The following MAP2 variants were observed in gnomAD, a reference collection of about 807,000 sequenced individuals.
The protein encoded by MAP2 is microtubule associated protein 2.
Under a neutral mutation model 137.6 loss-of-function variants are expected in MAP2, and 14 were observed. That is an observed-to-expected ratio of 0.10 (90% CI 0.07 to 0.16). The LOEUF is 0.16. Ranked by LOEUF, MAP2 falls within the 10% of genes least tolerant of loss-of-function variation. MAP2 has a pLI of 1.00. For synonymous variants in MAP2, 786 were observed against 782.3 expected, an observed-to-expected ratio of 1.00 and a Z score of -0.08; for missense variants, 2,088 against 2,191.5, an observed-to-expected ratio of 0.95 and a Z score of 0.94.
chr2:209,663,416 G>C (rs984878018), intron 5 of MAP2, among the ~76,000 whole-genome samples: 1 of 152,080 alleles, frequency 6.6e-6, no homozygotes. Flanking sequence ...TGTGTAGCTC[G>C]TCTCACTGAA....
At chr2:209,432,698 G>A (rs1009490723) in intron 1 of MAP2, among the ~76,000 whole-genome samples, 11 of 152,092 alleles carry the variant, frequency 7.2e-5, no homozygotes, top group African/African-American at 2.7e-4. Context: ...TTTTATCACT[G>A]AGTAGATTGT....
At chr2:209,434,088 G>GAT (rs1695059738) in intron 1 of MAP2, among the ~76,000 whole-genome samples, 1 of 152,014 alleles carries the variant, frequency 6.6e-6, no homozygotes, top group Admixed American at 6.6e-5. Flanking sequence ...CCAGTTTCAT[G>GAT]ATAATCTTGA....
chr2:209,514,370 T>C (rs1206630839), intron 2 of MAP2, among the ~76,000 whole-genome samples: 1 of 152,072 alleles, frequency 6.6e-6, no homozygotes, highest in Non-Finnish European at 1.5e-5. Context: ...AAGAATGCTC[T>C]AGCTCATTCT....
At chr2:209,673,510 A>G (rs779338961) in intron 5 of MAP2, among the ~76,000 whole-genome samples, 1 of 151,878 alleles carries the variant, frequency 6.6e-6, no homozygotes, top group Admixed American at 6.6e-5. Context: ...ATAGAAAAAC[A>G]TATTGTATAC....
rs989882704 is a variant in MAP2, at chr2:209,701,532, G to A, written c.4584+1194G>A. Among the ~76,000 whole-genome samples the A allele has an allele frequency of 3.3e-5, 5 of 152,014 alleles. No individual in the cohort carries two copies. In the East Asian group the frequency reaches 9.7e-4, roughly 29 times the overall value. ...TAGCTTATAACAACATTCTGAGACTGAGCAAACACATGTAATATGTAAATC... is the reference window on the plus strand; with the variant it reads ...TAGCTTATAACAACATTCTGAGACTAAGCAAACACATGTAATATGTAAATC... On this transcript the variant is annotated intron_variant, in intron 11 of 15. Coordinates refer to ENST00000682079, the MANE Select transcript of MAP2 (RefSeq NM_001375505.1).
At chr2:209,497,087 C>A (rs2059837885) in intron 1 of MAP2, among the ~76,000 whole-genome samples, 1 of 152,112 alleles carries the variant, frequency 6.6e-6, no homozygotes. Flanking sequence ...TGGCTTTAAT[C>A]CCTAAATTCT....
intron 7 of MAP2, among the ~76,000 whole-genome samples, chr2:209,691,786 T>C (rs2058986970): frequency 6.6e-6 from 1 of 152,230 alleles, no homozygotes; most frequent in South Asian, 2.1e-4. Context: ...GGAATAAAGT[T>C]ATTTCAATAG....
chr2:209,572,494 G>C lies in MAP2; in HGVS notation c.-171-7542G>C, dbSNP rs531975058. The stretch of plus-strand genomic sequence containing the variant: ...CAGATAGTTATAGGACTTTGGGCTT[G>C]TATAATATCAATATTATTTTCAAAT... On this transcript the variant is annotated intron_variant, in intron 2 of 15. Coordinates refer to ENST00000682079, the MANE Select transcript of MAP2 (RefSeq NM_001375505.1). Among the ~76,000 whole-genome samples, 47 of 152,224 alleles carry C rather than the reference G, an allele frequency of 3.1e-4. No homozygotes were observed. The East Asian group carries it at 8.1e-3, about 26-fold the overall frequency.
At chr2:209,647,698 T>C (rs1471990575) in intron 4 of MAP2, among the ~76,000 whole-genome samples, 1 of 152,194 alleles carries the variant, frequency 6.6e-6, no homozygotes, top group Non-Finnish European at 1.5e-5. Context: ...AGTGAAATTA[T>C]TCAGAGTGCA....
intron 5 of MAP2, among the ~76,000 whole-genome samples, chr2:209,654,596 A>G (rs935357812): frequency 6.6e-6 from 1 of 152,206 alleles, no homozygotes; most frequent in Non-Finnish European, 1.5e-5. Context: ...AATATGGATG[A>G]CATAGCACTC....
At chr2:209,574,573 A>G (rs2075000999) in intron 2 of MAP2, among the ~76,000 whole-genome samples, 1 of 152,204 alleles carries the variant, frequency 6.6e-6, no homozygotes. Flanking sequence ...GTCATTTTGT[A>G]CAACTCACGC....
At chr2:209,686,557 G>T (rs2057086904) in intron 7 of MAP2, among the ~76,000 whole-genome samples, 1 of 152,070 alleles carries the variant, frequency 6.6e-6, no homozygotes, top group Admixed American at 6.6e-5. Flanking sequence ...CTCAATATAA[G>T]TAAATAAATA....
chr2:209,695,939 A>T lies in MAP2; in HGVS notation c.3769A>T (p.Ile1257Leu). ...GCTCTTCCGCTCAGACACCCTTCAGATAACTGACCTGGGTGTCTCAGGTGC... is the reference window on the plus strand; with the variant it reads ...GCTCTTCCGCTCAGACACCCTTCAGTTAACTGACCTGGGTGTCTCAGGTGC... ...KLLFRSDTLQ[I>L]TDLGVSGARE... is the part of the protein sequence containing the mutation. Residue 1257 changes from isoleucine to leucine, a missense_variant, in exon 8 of 16, where the codon ATA (isoleucine) becomes TTA (leucine). Transcript: ENST00000682079. The T allele has an allele frequency of 6.2e-7, 1 of 1,614,130 alleles. No individual in the cohort carries two copies. The highest frequency in any genetic ancestry group is 1.1e-5 in the South Asian group (1 of 91,076).
At chr2:209,461,820 T>C (rs1436566417) in intron 1 of MAP2, among the ~76,000 whole-genome samples, 1 of 152,190 alleles carries the variant, frequency 6.6e-6, no homozygotes, top group Non-Finnish European at 1.5e-5. Flanking sequence ...TTTCAGCCTC[T>C]TCTTTTGCCA....
intron 2 of MAP2, among the ~76,000 whole-genome samples, chr2:209,556,070 C>G (rs1459420660): frequency 1.7e-4 from 21 of 123,820 alleles, no homozygotes; most frequent in African/African-American, 6.8e-4. Flanking sequence ...GAGGCAGCCT[C>G]TTGCTCTGTT....
intron 3 of MAP2, among the ~76,000 whole-genome samples, chr2:209,610,696 C>G (rs1459547187): frequency 6.6e-6 from 1 of 152,016 alleles, no homozygotes; most frequent in Non-Finnish European, 1.5e-5. Flanking sequence ...ACGGAATAAG[C>G]AATCATGGCT....
Position 209,694,479 on chromosome 2 carries a change from A to G in MAP2, c.2309A>G (p.Glu770Gly), listed in dbSNP as rs757503613. 8.1e-6 allele frequency: 13 copies of G among 1,614,008 alleles called. No individual in the cohort carries two copies. In the East Asian group the frequency reaches 2.0e-4, roughly 25 times the overall value. Residue 770 changes from glutamate to glycine, a missense_variant, in exon 8 of 16, where the codon GAG (glutamate) becomes GGG (glycine). By Grantham distance (98) the Glu-to-Gly change is moderately conservative (BLOSUM62 -2). Coordinates refer to ENST00000682079, the MANE Select transcript of MAP2 (RefSeq NM_001375505.1). ...GAAAGCAAAGAGGAAGAACAGATAG[A>G]GAAAGTAAAAGCTACTGGAGAAGAA... ...PVESKEEEQIEKVKATGEEST... is the reference protein window; with the variant it reads ...PVESKEEEQIGKVKATGEEST...
chr2:209,588,523 A>G (rs886718564), intron 3 of MAP2, among the ~76,000 whole-genome samples: 4 of 152,270 alleles, frequency 2.6e-5, no homozygotes, highest in African/African-American at 9.6e-5. Flanking sequence ...TTTCTTCACC[A>G]CGTGTAGGAA....
chr2:209,438,960 C>T (rs1697062269), intron 1 of MAP2, among the ~76,000 whole-genome samples: 1 of 151,226 alleles, frequency 6.6e-6, no homozygotes, highest in Admixed American at 6.6e-5. Flanking sequence ...AAAATCCATA[C>T]CAACTCTAAT....
Sources: allele counts gnomAD v4.1 joint callset (sites outside exome capture counted in the v4.1 genomes callset), GRCh38; gene constraint gnomAD v4.1.1; transcripts MANE v1.5; gene names NCBI Gene and HGNC (gene_info 2026-07-23, HGNC 2026-07-21).